Variants in GALNT17 observed in about 807,000 individuals in gnomAD.
GALNT17 encodes the protein polypeptide N-acetylgalactosaminyltransferase 17.
GALNT17 carries 29 observed loss-of-function variants against 63.7 expected under a neutral mutation model. The ratio of observed to expected loss-of-function variants is 0.46; its 90% CI spans 0.34 to 0.62. The LOEUF (loss-of-function observed/expected upper bound fraction) is 0.62. Ranked by LOEUF, GALNT17 falls within the 20% of genes least tolerant of loss-of-function variation. The pLI, the probability that GALNT17 is intolerant of heterozygous loss-of-function variation, is 0.01. For missense variants in GALNT17, 603 were observed against 799.6 expected (o/e 0.75, Z 2.97); for synonymous variants, 305 against 318.3 (o/e 0.96, Z 0.45).
intron 5 of GALNT17, among the ~76,000 whole-genome samples, chr7:71,494,507 G>A (rs1304653650): frequency 6.6e-6 from 1 of 151,984 alleles, no homozygotes; most frequent in Non-Finnish European, 1.5e-5. Context: ...TAGCACACCT[G>A]GCTAATTTTT....
chr7:71,536,017 A>G (rs1219224532), intron 5 of GALNT17, among the ~76,000 whole-genome samples: 2 of 152,210 alleles, frequency 1.3e-5, no homozygotes, highest in African/African-American at 4.8e-5. Context: ...TTTAGTAATA[A>G]AAATCAATGA....
At chr7:71,671,844 G>A (rs1039781832) in intron 8 of GALNT17, among the ~76,000 whole-genome samples, 1 of 152,084 alleles carries the variant, frequency 6.6e-6, no homozygotes, top group African/African-American at 2.4e-5. Context: ...GGCCAACATG[G>A]GGAAGTCCTG....
At chr7:71,284,946 TGGTGG>T (rs2115777167) in intron 1 of GALNT17, among the ~76,000 whole-genome samples, 1 of 152,116 alleles carries the variant, frequency 6.6e-6, no homozygotes, top group South Asian at 2.1e-4. Context: ...AGGACTCAAC[TGGTGG>T]GGTGGCATCC....
chr7:71,361,800 G>C (rs1436639966), intron 2 of GALNT17, among the ~76,000 whole-genome samples: 1 of 152,134 alleles, frequency 6.6e-6, no homozygotes, highest in Non-Finnish European at 1.5e-5. Flanking sequence ...GAGAGAGAGA[G>C]AGAGAGACAG....
intron 5 of GALNT17, among the ~76,000 whole-genome samples, chr7:71,462,960 G>T (rs992435196): frequency 1.3e-5 from 2 of 152,186 alleles, no homozygotes; most frequent in African/African-American, 4.8e-5. Flanking sequence ...CACTGAGACA[G>T]CAGATTGCAG....
At chr7:71,465,317 C>A (rs1481268246) in intron 5 of GALNT17, among the ~76,000 whole-genome samples, 2 of 152,112 alleles carry the variant, frequency 1.3e-5, no homozygotes, top group Non-Finnish European at 2.9e-5. Flanking sequence ...GTTAGCTCAG[C>A]CTACGTGCAG....
At chr7:71,545,301 G>A (rs980946749) in intron 5 of GALNT17, among the ~76,000 whole-genome samples, 1 of 151,944 alleles carries the variant, frequency 6.6e-6, no homozygotes, top group Non-Finnish European at 1.5e-5. Context: ...TATGGTTTTT[G>A]ACTCCTATTT....
At chr7:71,529,140 A>AAAAT (rs574345466) in intron 5 of GALNT17, among the ~76,000 whole-genome samples, 52 of 152,214 alleles carry the variant, frequency 3.4e-4, no homozygotes, top group African/African-American at 5.3e-4. Flanking sequence ...GTCTCAATTA[A>AAAAT]AAATAAATAA....
chr7:71,161,179 C>A (rs909952751), intron 1 of GALNT17, among the ~76,000 whole-genome samples: 11 of 152,158 alleles, frequency 7.2e-5, no homozygotes, highest in African/African-American at 2.2e-4. Flanking sequence ...TTTATACTTT[C>A]ACCAGCAATG....
intron 9 of GALNT17, among the ~76,000 whole-genome samples, chr7:71,684,239 A>G (rs1261922324): frequency 6.6e-6 from 1 of 152,120 alleles, no homozygotes. Flanking sequence ...CTCCTCTGCC[A>G]GGCCCTTCTT....
intron 6 of GALNT17, among the ~76,000 whole-genome samples, chr7:71,604,288 A>G (rs1181206963): frequency 6.6e-6 from 1 of 152,114 alleles, no homozygotes; most frequent in Non-Finnish European, 1.5e-5. Flanking sequence ...ACCAGGTACT[A>G]TGCTGAGTGC....
chr7:71,611,828 G>A (rs1790129837), intron 6 of GALNT17, among the ~76,000 whole-genome samples: 1 of 151,992 alleles, frequency 6.6e-6, no homozygotes, highest in Non-Finnish European at 1.5e-5. Context: ...GTCAGTAAAG[G>A]GATGGATGGA....
intron 1 of GALNT17, among the ~76,000 whole-genome samples, chr7:71,217,023 G>C (rs1248668792): frequency 6.6e-6 from 1 of 152,048 alleles, no homozygotes; most frequent in Non-Finnish European, 1.5e-5. Context: ...CAGTTCAGTG[G>C]TGTGATCTTG....
chr7:71,498,485 G>A (rs1395382683), intron 5 of GALNT17, among the ~76,000 whole-genome samples: 1 of 152,034 alleles, frequency 6.6e-6, no homozygotes, highest in Non-Finnish European at 1.5e-5. Flanking sequence ...AAGCAACAAC[G>A]AAAGAGAGAA....
chr7:71,525,651 C>T (rs973253225), intron 5 of GALNT17, among the ~76,000 whole-genome samples: 3 of 151,142 alleles, frequency 2.0e-5, no homozygotes, highest in African/African-American at 7.3e-5. Context: ...GAGGTCTCCC[C>T]AGTCATGTGG....
intron 6 of GALNT17, among the ~76,000 whole-genome samples, chr7:71,609,574 A>G (rs1455325991): frequency 1.3e-5 from 2 of 152,160 alleles, no homozygotes; most frequent in Admixed American, 6.5e-5. Context: ...GTAGGTGTAT[A>G]TATTTATGGG....
intron 5 of GALNT17, among the ~76,000 whole-genome samples, chr7:71,518,685 C>G (rs956350713): frequency 3.3e-5 from 5 of 152,152 alleles, no homozygotes; most frequent in African/African-American, 1.2e-4. Context: ...CCACATTTCT[C>G]CTTGGGCGGA....
intron 6 of GALNT17, among the ~76,000 whole-genome samples, chr7:71,639,947 A>G (rs75503141): frequency 0.029 from 4,377 of 152,306 alleles, 205 homozygotes; most frequent in African/African-American, 0.091. Context: ...AATAAGGATA[A>G]TCATTTCTCG....
At chr7:71,648,380 C>A (rs969074588) in intron 6 of GALNT17, among the ~76,000 whole-genome samples, 7 of 151,968 alleles carry the variant, frequency 4.6e-5, no homozygotes, top group African/African-American at 1.7e-4. Flanking sequence ...AAACAATTCT[C>A]CCGCGTCAGC....
Sources: allele counts gnomAD v4.1 joint callset (sites outside exome capture counted in the v4.1 genomes callset), GRCh38; gene constraint gnomAD v4.1.1; transcripts MANE v1.5; gene names NCBI Gene and HGNC (gene_info 2026-07-23, HGNC 2026-07-21).